Variants in LITAF observed in about 807,000 individuals in gnomAD.
The protein encoded by LITAF is lipopolysaccharide induced TNF factor, also known as lipopolysaccharide-induced tumor necrosis factor-alpha factor.
In LITAF, 9 loss-of-function variants were observed where a neutral mutation model predicts 14.5. The ratio of observed to expected loss-of-function variants is 0.62; its 90% CI spans 0.37 to 1.08. The LOEUF (loss-of-function observed/expected upper bound fraction) is 1.08. Among genes scored for constraint, LITAF ranks in the 50% least tolerant of loss-of-function variants. The pLI, the probability that LITAF is intolerant of heterozygous loss-of-function variation, is 0.01. For synonymous variants in LITAF, 98 were observed against 88.2 expected (o/e 1.11, Z -0.62); for missense variants, 206 against 213.4 (o/e 0.97, Z 0.22).
chr16:11,585,296 C>G (rs1240754519), intron 1 of LITAF, among the ~76,000 whole-genome samples: 1 of 151,652 alleles, frequency 6.6e-6, no homozygotes, highest in Admixed American at 6.6e-5. Flanking sequence ...GTCACTTAAT[C>G]TGTGAAAACA....
chr16:11,610,892 T>C (rs910452495), intron 3 of LITAF, among the ~76,000 whole-genome samples: 1 of 152,072 alleles, frequency 6.6e-6, no homozygotes, highest in Non-Finnish European at 1.5e-5. Context: ...AATTTGTACA[T>C]GGAAGACGGA....
At chr16:11,560,881 G>A (rs1054001116) in intron 1 of LITAF, among the ~76,000 whole-genome samples, 4 of 152,152 alleles carry the variant, frequency 2.6e-5, no homozygotes, top group South Asian at 2.1e-4. Context: ...GGTTTGAGGC[G>A]TGTTGCTAGT....
chr16:11,631,739 T>C (rs1363601013), intron 3 of LITAF, among the ~76,000 whole-genome samples: 1 of 152,088 alleles, frequency 6.6e-6, no homozygotes, highest in African/African-American at 2.4e-5. Context: ...GCTCCATGTC[T>C]TGCTTACACA....
chr16:11,616,072 T>A (rs1485023532), intron 3 of LITAF, among the ~76,000 whole-genome samples: 2 of 152,156 alleles, frequency 1.3e-5, no homozygotes, highest in Non-Finnish European at 2.9e-5. Context: ...ATCCACTACC[T>A]GGGAGGTGGG....
chr16:11,558,256 G>A lies in LITAF; in HGVS notation c.-5-1521C>T, dbSNP rs1161710295. On this transcript the variant is annotated intron_variant, in intron 1 of 3. Coordinates refer to ENST00000622633, the MANE Select transcript of LITAF (RefSeq NM_001136472.2). The surrounding 1 kb of genome is among the most constrained non-coding windows in gnomAD (Gnocchi z 4.1). The stretch of plus-strand genomic sequence containing the variant: ...AAGAGGAGACTTCTCTGGAGGAACC[G>A]AAGAAAGGGTATTCACCTCAAAGTG... 3.3e-5 allele frequency among the ~76,000 whole-genome samples: 5 copies of A among 152,276 alleles called. No individual in the cohort carries two copies. In the South Asian group the frequency reaches 6.2e-4, roughly 19 times the overall value.
intron 3 of LITAF, among the ~76,000 whole-genome samples, chr16:11,609,884 T>G (rs2141876589): frequency 6.6e-6 from 1 of 152,318 alleles, no homozygotes; most frequent in African/African-American, 2.4e-5. Flanking sequence ...GAAACAAATT[T>G]TCACTGTCGT....
At chr16:11,566,757 A>AG (rs2064457142) in intron 1 of LITAF, among the ~76,000 whole-genome samples, 1 of 151,022 alleles carries the variant, frequency 6.6e-6, no homozygotes, top group African/African-American at 2.4e-5. Context: ...GGGCAGGGGT[A>AG]GGGGGGCGCA....
In LITAF at chr16:11,558,076, G is replaced by C. The variant is rs1030709792; in HGVS notation, c.-5-1341C>G. Among the ~76,000 whole-genome samples, 2 of 152,150 alleles carry C rather than the reference G, an allele frequency of 1.3e-5. No homozygotes were observed. Among genetic ancestry groups the C allele is most frequent in the African/African-American group, 4.8e-5 (2 of 41,430 alleles). On this transcript the variant is annotated intron_variant, in intron 1 of 3. Coordinates refer to ENST00000622633, the MANE Select transcript of LITAF (RefSeq NM_001136472.2). The surrounding 1 kb of genome is among the most constrained non-coding windows in gnomAD (Gnocchi z 4.1). ...CTGTCTCGGGAGAAATGGGAAATGA[G>C]GCTCCGGGGCAGCGAGCCACAACCA... is the stretch of plus-strand genomic sequence containing the variant.
At chr16:11,566,738 A>G (rs2064456628) in intron 1 of LITAF, among the ~76,000 whole-genome samples, 1 of 151,828 alleles carries the variant, frequency 6.6e-6, no homozygotes, top group Non-Finnish European at 1.5e-5. Context: ...TGCCACTGCA[A>G]TTCAGCCTGG....
chr16:11,627,596 C>T (rs558048128), intron 3 of LITAF, among the ~76,000 whole-genome samples: 87 of 152,352 alleles, frequency 5.7e-4, no homozygotes, highest in African/African-American at 2.1e-3. Flanking sequence ...GTAATCCCAG[C>T]ATTTTGGAAG....
At chr16:11,629,505 C>A (rs1388591108) in intron 3 of LITAF, among the ~76,000 whole-genome samples, 1 of 152,136 alleles carries the variant, frequency 6.6e-6, no homozygotes, top group Non-Finnish European at 1.5e-5. Flanking sequence ...GAGGACCTGT[C>A]CTCGGCCAGT....
At chr16:11,618,337 G>C (rs2065030030) in intron 3 of LITAF, among the ~76,000 whole-genome samples, 1 of 152,214 alleles carries the variant, frequency 6.6e-6, no homozygotes, top group Admixed American at 6.5e-5. Flanking sequence ...AAGGCGGGAG[G>C]AGAGCCCTGA....
chr16:11,600,114 C>T (rs1261861973), upstream of LITAF, among the ~76,000 whole-genome samples: 8 of 152,170 alleles, frequency 5.3e-5, no homozygotes, highest in Non-Finnish European at 7.3e-5. This position sits in a 1 kb window ranked among gnomAD's most constrained non-coding sequence, Gnocchi z 4.1. Flanking sequence ...CCTACCACCT[C>T]GGCCTCCCGA....
chr16:11,576,737 G>C (rs2064643329), intron 1 of LITAF, among the ~76,000 whole-genome samples: 1 of 152,118 alleles, frequency 6.6e-6, no homozygotes, highest in African/African-American at 2.4e-5. Context: ...CAGCGTGCAA[G>C]GACTCTGTGT....
At chr16:11,562,263 G>A (rs1050051459) in intron 1 of LITAF, among the ~76,000 whole-genome samples, 3 of 138,432 alleles carry the variant, frequency 2.2e-5, no homozygotes, top group Non-Finnish European at 4.5e-5. Flanking sequence ...GCAGTGAGCC[G>A]AGATCGTGTC....
chr16:11,550,199 C>T (rs960734299), intron 3 of LITAF, among the ~76,000 whole-genome samples: 4 of 152,228 alleles, frequency 2.6e-5, no homozygotes, highest in African/African-American at 9.6e-5. Flanking sequence ...AAGCAATTCT[C>T]CTGCCTCAGC....
At chr16:11,589,558 G>C (rs1039384958), upstream of LITAF, among the ~76,000 whole-genome samples, 12 of 150,570 alleles carry the variant, frequency 8.0e-5, no homozygotes, top group African/African-American at 2.9e-4. Context: ...ATACCTATTA[G>C]AGCTAATAAA....
At chr16:11,577,849 C>T (rs913755502) in intron 1 of LITAF, among the ~76,000 whole-genome samples, 2 of 152,044 alleles carry the variant, frequency 1.3e-5, no homozygotes, top group African/African-American at 4.8e-5. Flanking sequence ...CTCAGCCTCT[C>T]GAGTAGTTGT....
chr16:11,578,424 A>C (rs911117608), intron 1 of LITAF, among the ~76,000 whole-genome samples: 4 of 152,078 alleles, frequency 2.6e-5, no homozygotes, highest in Non-Finnish European at 4.4e-5. Flanking sequence ...CCAGCTACTC[A>C]GGAGGCTGAG....
Sources: allele counts gnomAD v4.1 joint callset (sites outside exome capture counted in the v4.1 genomes callset), GRCh38; gene constraint gnomAD v4.1.1; non-coding constraint Gnocchi (gnomAD v3.1); transcripts MANE v1.5; gene names NCBI Gene and HGNC (gene_info 2026-07-23, HGNC 2026-07-21).